The following ANKRD52 variants were observed in gnomAD, a reference collection of about 807,000 sequenced individuals.
The protein encoded by ANKRD52 is ankyrin repeat domain 52, also known as serine/threonine-protein phosphatase 6 regulatory ankyrin repeat subunit C.
Under a neutral mutation model 116.0 loss-of-function variants are expected in ANKRD52, and 7 were observed. The observed-to-expected ratio is 0.06, with a 90% CI of 0.03 to 0.11. The LOEUF is 0.11. ANKRD52 is among the 10% of genes least tolerant of loss of function. ANKRD52 has a pLI of 1.00. For missense variants in ANKRD52, 839 were observed against 1,408.6 expected, an observed-to-expected ratio of 0.60 and a Z score of 6.47; for synonymous variants, 528 against 578.1, an observed-to-expected ratio of 0.91 and a Z score of 1.24.
intron 4 of ANKRD52, 49 bp from the exon 5 acceptor site, chr12:56,256,033 C>A (rs1871937080): frequency 6.6e-7 from 1 of 1,520,994 alleles, no homozygotes; most frequent in East Asian, 2.5e-5. Context: ...GGAGGTAAAA[C>A]AACAGGAAAT....
rs543274451 is a variant in ANKRD52 at position 56,255,291 on chromosome 12, C to T, written c.463-339G>A. Among the ~76,000 whole-genome samples, 7 of 151,696 alleles carry T rather than the reference C, an allele frequency of 4.6e-5. No homozygotes were observed. Among genetic ancestry groups the T allele is most frequent in the Admixed American group, 6.6e-5 (1 of 15,206 alleles). ...TTGCAAGCTCCGCCTCCCGGGTTCA[C>T]GCCATTCTCCTGCCTCAGTCTCCCG... is the stretch of plus-strand genomic sequence containing the variant. On this transcript the variant is annotated intron_variant, in intron 5 of 27. Coordinates refer to ENST00000267116, the MANE Select transcript of ANKRD52 (RefSeq NM_173595.4). This position sits in a 1 kb window ranked among gnomAD's most constrained non-coding sequence, Gnocchi z 4.3.
In ANKRD52 at chr12:56,245,107, C is replaced by T; in HGVS notation, c.2488G>A (p.Ala830Thr). The T allele has an allele frequency of 6.2e-7, 1 of 1,613,982 alleles. No individual in the cohort carries two copies. The highest frequency in any genetic ancestry group is 2.2e-5 in the East Asian group (1 of 44,882). The stretch of plus-strand genomic sequence containing the variant: ...GATGCAGCAGAAGGGACTTACACTG[C>T]ACAGTGCAAAGGAGTGAAGGGGTTT... Reference protein sequence around the residue: ...EGNPFTPLHCAVINNQDSTTE... With the variant: ...EGNPFTPLHCTVINNQDSTTE... Residue 830 changes from alanine to threonine, a missense_variant, in exon 22 of 28, where the codon GCA becomes ACA. By Grantham distance (58) the Ala-to-Thr change is moderately conservative. Around this residue, in one of 2 missense-constraint regions of ANKRD52, gnomAD observed 552 missense variants for 810.6 expected, o/e 0.68. Transcript: ENST00000267116.
At chr12:56,245,045 T>A (rs1427054906) in intron 22 of ANKRD52, 56 bp from the exon 23 acceptor site, 4 of 1,612,614 alleles carry the variant, frequency 2.5e-6, no homozygotes, top group Non-Finnish European at 3.4e-6. Flanking sequence ...AGACTACCTG[T>A]CCTAAGCTCA....
In ANKRD52 at chr12:56,238,016, CAAAT is replaced by C; in HGVS notation, c.*5122_*5125del. On this transcript the variant is annotated 3_prime_UTR_variant, in exon 28 of 28. Coordinates refer to ENST00000267116, the MANE Select transcript of ANKRD52 (RefSeq NM_173595.4). Reference sequence around the variant, plus strand: ...TAGCCCAGGGAGGGGAGGGGTGGGGCAAATGCACCGAGGTCCCCACTTTTTCCTG... The same window carrying C: ...TAGCCCAGGGAGGGGAGGGGTGGGGCGCACCGAGGTCCCCACTTTTTCCTG... 3.1e-6 allele frequency: 1 copy of C among 318,426 alleles called. No individual in the cohort carries two copies. The highest frequency in any genetic ancestry group is 1.3e-4 in the South Asian group (1 of 7,994). The allele number at this position is 318,426 out of a possible 1,614,324, so 19.7% of individuals were successfully genotyped here.
rs1306578151 is a variant in ANKRD52, at chr12:56,242,965, C to T, written c.*177G>A. The T allele has an allele frequency of 2.1e-6, 2 of 954,572 alleles. No individual in the cohort carries two copies. Among genetic ancestry groups the T allele is most frequent in the Admixed American group, 5.9e-5 (2 of 34,158 alleles). The allele number at this position is 954,572 out of a possible 1,614,324, so 59.1% of individuals were successfully genotyped here. A position where few individuals can be genotyped will look rare whatever the true frequency, so the allele number is the denominator to read the frequency against. ...GGGTGCTCCCTGTCAGTCCCAGACC[C>T]CTGCCAGGCCAAGATGGTGTGGCAA... On this transcript the variant is annotated 3_prime_UTR_variant, in exon 28 of 28. Transcript: ENST00000267116. This position sits in a 1 kb window ranked among gnomAD's most constrained non-coding sequence, Gnocchi z 4.3.
rs967098027 is a variant in ANKRD52, at chr12:56,254,451, C to T, written c.693+127G>A. The T allele has an allele frequency of 2.0e-6, 3 of 1,475,374 alleles. No homozygotes were observed. Among genetic ancestry groups the T allele is most frequent in the African/African-American group, 2.8e-5 (2 of 71,670 alleles). The allele number at this position is 1,475,374 out of a possible 1,614,324, so 91.4% of individuals were successfully genotyped here. ...TGGCTAAGGTAAGCATTATTCAGACCCTCTCTACCACGTCCTTCCAACTTC... is the reference window on the plus strand; with the variant it reads ...TGGCTAAGGTAAGCATTATTCAGACTCTCTCTACCACGTCCTTCCAACTTC... On this transcript the variant is annotated intron_variant, in intron 7 of 27. Transcript: ENST00000267116. This position sits in a 1 kb window ranked among gnomAD's most constrained non-coding sequence, Gnocchi z 4.6.
chr12:56,257,344 A>T lies in ANKRD52; in HGVS notation c.129T>A (p.Thr43=). The change falls in exon 3 of 28, where the codon ACT becomes ACA. Residue 43 remains threonine (T), a synonymous_variant. Transcript: ENST00000267116. ...CTACGTAGGCAGCAGCATGCAATGGAGTTCGCCTCTCTTGGTCCTGGGAAG... is the reference window on the plus strand; with the variant it reads ...CTACGTAGGCAGCAGCATGCAATGGTGTTCGCCTCTCTTGGTCCTGGGAAG... ...NINVLDQERR[T]PLHAAAYVGD... 2.5e-6 allele frequency: 4 copies of T among 1,593,808 alleles called. No homozygotes were observed. The highest frequency in any genetic ancestry group is 3.4e-6 in the Non-Finnish European group (4 of 1,170,212).
At chr12:56,246,919 CAATAATAATAAT>C (rs374443069) in intron 20 of ANKRD52, among the ~76,000 whole-genome samples, 4,273 of 125,446 alleles carry the variant, frequency 0.034, 87 homozygotes, top group Non-Finnish European at 0.047. Flanking sequence ...GACTCTATCT[CAATAATAATAAT>C]AATAATAATA....
chr12:56,250,223 ATTT>A (rs1871620788), intron 15 of ANKRD52, among the ~76,000 whole-genome samples: 3 of 146,236 alleles, frequency 2.1e-5, no homozygotes, highest in Non-Finnish European at 4.6e-5. Context: ...TAATTAATTT[ATTT>A]ATTTATTTAA....
chr12:56,244,294 T>C lies in ANKRD52; in HGVS notation c.2805+59A>G. The C allele has an allele frequency of 6.3e-7, 1 of 1,587,298 alleles. No homozygotes were observed. On this transcript the variant is annotated intron_variant, in intron 25 of 27. Coordinates refer to ENST00000267116, the MANE Select transcript of ANKRD52 (RefSeq NM_173595.4). This position sits in a 1 kb window ranked among gnomAD's most constrained non-coding sequence, Gnocchi z 4.9. Reference sequence around the variant, plus strand: ...CCCAGTCCCCTCTGCAACCGAGACTTACCTCTCTTCATCAAGCTCTGCCCC... The same window carrying C: ...CCCAGTCCCCTCTGCAACCGAGACTCACCTCTCTTCATCAAGCTCTGCCCC...
In ANKRD52 at chr12:56,244,266, T is replaced by A; in HGVS notation, c.2805+87A>T. 2 of 1,541,466 alleles carry A rather than the reference T, an allele frequency of 1.3e-6. No individual in the cohort carries two copies. The highest frequency in any genetic ancestry group is 1.8e-6 in the Non-Finnish European group (2 of 1,118,014). Reference sequence around the variant, plus strand: ...GGATAGGCTGGACAATCCTCACTTCTGCCCCAGTCCCCTCTGCAACCGAGA... The same window carrying A: ...GGATAGGCTGGACAATCCTCACTTCAGCCCCAGTCCCCTCTGCAACCGAGA... On this transcript the variant is annotated intron_variant, in intron 25 of 27. Coordinates refer to ENST00000267116, the MANE Select transcript of ANKRD52 (RefSeq NM_173595.4). This position sits in a 1 kb window ranked among gnomAD's most constrained non-coding sequence, Gnocchi z 4.9.
chr12:56,245,069 C>T lies in ANKRD52; in HGVS notation c.2492+34G>A, dbSNP rs766183998. ...GTCCTAAGCTCAAGTCATGGGCCCTCGCGAGAAGGGCTGATGCAGCAGAAG... is the reference window on the plus strand; with the variant it reads ...GTCCTAAGCTCAAGTCATGGGCCCTTGCGAGAAGGGCTGATGCAGCAGAAG... On this transcript the variant is annotated intron_variant, in intron 22 of 27. Transcript: ENST00000267116. 14 of 1,612,798 alleles carry T rather than the reference C, an allele frequency of 8.7e-6. No individual in the cohort carries two copies. The African/African-American group carries it at 1.2e-4, about 14-fold the overall frequency.
chr12:56,248,695 G>T lies in ANKRD52; in HGVS notation c.1704+64C>A. 1 of 1,508,178 alleles carries T rather than the reference G, an allele frequency of 6.6e-7. No homozygotes were observed. The highest frequency in any genetic ancestry group is 9.1e-7 in the Non-Finnish European group (1 of 1,103,178). The allele number at this position is 1,508,178 out of a possible 1,614,324, so 93.4% of individuals were successfully genotyped here. On this transcript the variant is annotated intron_variant, in intron 16 of 27. Transcript: ENST00000267116. This position sits in a 1 kb window ranked among gnomAD's most constrained non-coding sequence, Gnocchi z 5.1. Reference sequence around the variant, plus strand: ...CACATTTGATTGAACCCTTAGTTTTGGAATCCACAAACCCTGTGCCCTGCC... The same window carrying T: ...CACATTTGATTGAACCCTTAGTTTTTGAATCCACAAACCCTGTGCCCTGCC...
intron 21 of ANKRD52, 21 bp downstream of exon 21, chr12:56,245,356 G>T: frequency 9.3e-6 from 15 of 1,606,968 alleles, no homozygotes; most frequent in Non-Finnish European, 1.3e-5. Context: ...TCCTGTGCCT[G>T]TGGAGGCCCC....
rs1213984892 is a variant in ANKRD52 at position 56,252,621 on chromosome 12, G to A, written c.1302-51C>T. 14 of 1,586,254 alleles carry A rather than the reference G, an allele frequency of 8.8e-6. No homozygotes were observed. The highest frequency in any genetic ancestry group is 1.2e-5 in the Non-Finnish European group (14 of 1,156,004). On this transcript the variant is annotated intron_variant, in intron 12 of 27. Transcript: ENST00000267116. This position sits in a 1 kb window ranked among gnomAD's most constrained non-coding sequence, Gnocchi z 4.7. ...TTACAGCCTCAAAGGGAAGCCACAG[G>A]CCCAGGGTGGGGCTAAGGAAGGATG...
At position 56,237,882 on chromosome 12, in the gene ANKRD52, G is replaced by A. The variant is rs764748493; in HGVS notation, c.*5260C>T. ...CGACAGTTGTACTTGCACCAAAACA[G>A]CATAGAAAACCAGAGTGTGGTGGGA... On this transcript the variant is annotated 3_prime_UTR_variant, in exon 28 of 28. Transcript: ENST00000267116. The A allele has an allele frequency of 1.5e-5, 16 of 1,033,282 alleles. No individual in the cohort carries two copies. Among genetic ancestry groups the A allele is most frequent in the Non-Finnish European group, 2.0e-5 (15 of 752,010 alleles). The allele number at this position is 1,033,282 out of a possible 1,614,324, so 64.0% of individuals were successfully genotyped here.
rs2135891518 is a variant in ANKRD52 at position 56,254,265 on chromosome 12, A to G, written c.708T>C (p.Asn236=). Reference sequence around the variant, plus strand: ...TGTGCAAAGCTGTGTTTCCAAAAGCATTGGGTTCATCGATCTGGATATTCA... The same window carrying G: ...TGTGCAAAGCTGTGTTTCCAAAAGCGTTGGGTTCATCGATCTGGATATTCA... ...LRMGAEIDEP[N]AFGNTALHIA... Residue 236 remains asparagine, a synonymous_variant, in exon 8 of 28, where the codon AAT becomes AAC. Transcript: ENST00000267116. The surrounding 1 kb of genome is among the most constrained non-coding windows in gnomAD (Gnocchi z 4.6). 1 of 1,613,602 alleles carries G rather than the reference A, an allele frequency of 6.2e-7. No individual in the cohort carries two copies. Among genetic ancestry groups the G allele is most frequent in the Non-Finnish European group, 8.5e-7 (1 of 1,179,814 alleles).
Position 56,243,937 on chromosome 12 carries a change from G to C in ANKRD52, c.2889-61C>G. The stretch of plus-strand genomic sequence containing the variant: ...AGCTGCCCTTCCACCTCCAGACAGG[G>C]TGGCAAGGGTGCTGAACAAATACAA... On this transcript the variant is annotated intron_variant, in intron 26 of 27. Transcript: ENST00000267116. This position sits in a 1 kb window ranked among gnomAD's most constrained non-coding sequence, Gnocchi z 4.6. The C allele has an allele frequency of 1.9e-6, 3 of 1,599,392 alleles. No homozygotes were observed. In the Admixed American group the frequency reaches 5.2e-5, roughly 28 times the overall value.
Position 56,248,119 on chromosome 12 carries a change from G to T in ANKRD52, c.1882C>A (p.Arg628Ser), listed in dbSNP as rs777085738. Residue 628 changes from arginine (R) to serine (S), a missense_variant, in exon 18 of 28, where the codon CGC becomes AGC. Physicochemically the swap from Arg to Ser is moderately radical, Grantham distance 110. Around this residue, in one of 2 missense-constraint regions of ANKRD52, gnomAD observed 552 missense variants for 810.6 expected, o/e 0.68. Transcript: ENST00000267116. The surrounding 1 kb of genome is among the most constrained non-coding windows in gnomAD (Gnocchi z 5.1). Reference protein sequence around the residue: ...GRTALFLATERGSTECVEVLT... With the variant: ...GRTALFLATESGSTECVEVLT... ...ACCTCCACACACTCAGTAGAGCCGC[G>T]CTCCGTGGCCAGGAAGAGTGCGGTC... The T allele has an allele frequency of 6.2e-7, 1 of 1,613,738 alleles. No homozygotes were observed. Among genetic ancestry groups the T allele is most frequent in the Non-Finnish European group, 8.5e-7 (1 of 1,179,900 alleles).
Sources: allele counts gnomAD v4.1 joint callset (sites outside exome capture counted in the v4.1 genomes callset), GRCh38; gene constraint gnomAD v4.1.1; regional missense constraint gnomAD v4.1.1; non-coding constraint Gnocchi (gnomAD v3.1); transcripts MANE v1.5; gene names NCBI Gene and HGNC (gene_info 2026-07-23, HGNC 2026-07-21).